Variants in NANOG observed in about 807,000 individuals in gnomAD.
NANOG encodes the protein Nanog homeobox.
A neutral mutation model predicts 17.7 loss-of-function variants in NANOG; 2 were observed. That is an observed-to-expected ratio of 0.11 (90% CI 0.05 to 0.36). The LOEUF is 0.36. NANOG is among the 10% of genes least tolerant of loss of function. The probability of loss-of-function intolerance (pLI) is 1.00; values close to 1 mark genes in which losing one functional copy is unlikely to be tolerated. For synonymous variants in NANOG, 81 were observed against 124.7 expected (o/e 0.65, Z 2.33); for missense variants, 174 against 362.1 (o/e 0.48, Z 4.22).
At chr12:7,792,741 A>G (rs1157836038) in intron 1 of NANOG, among the ~76,000 whole-genome samples, 1 of 152,152 alleles carries the variant, frequency 6.6e-6, no homozygotes, top group Non-Finnish European at 1.5e-5. Context: ...GCAGTCTATT[A>G]TGTACAAAAT....
At position 7,799,092 on chromosome 12, in the gene NANOG, T is replaced by C. The variant is rs1862964228; in HGVS notation, c.*3997T>C. 1 of 152,116 alleles carries C rather than the reference T, an allele frequency of 6.6e-6. No individual in the cohort carries two copies. Among genetic ancestry groups the C allele is most frequent in the Non-Finnish European group, 1.5e-5 (1 of 68,032 alleles). The allele number at this position is 152,116 out of a possible 1,614,324, so 9.4% of individuals were successfully genotyped here. A position where few individuals can be genotyped will look rare whatever the true frequency, so the allele number is the denominator to read the frequency against. On this transcript the variant is annotated 3_prime_UTR_variant, in exon 4 of 4. Coordinates refer to ENST00000229307, the MANE Select transcript of NANOG (RefSeq NM_024865.4). ...CTCTCCTTAAGCTATTCCTGGCTTC[T>C]GGGTAGTTGGTGTAAACTCTGTGGT...
Position 7,790,288 on chromosome 12 carries a change from A to G in NANOG, c.151+523A>G, listed in dbSNP as rs758190612. 9.9e-4 allele frequency among the ~76,000 whole-genome samples: 150 copies of G among 152,264 alleles called. 2 individuals carry two copies. The highest frequency in any genetic ancestry group is 3.6e-3 in the African/African-American group (148 of 41,560). Reference sequence around the variant, plus strand: ...TGTCAGTAACGGCTGTCTCTTCTCCATTCTCTGGGTTTGTGGATGTTACTG... The same window carrying G: ...TGTCAGTAACGGCTGTCTCTTCTCCGTTCTCTGGGTTTGTGGATGTTACTG... On this transcript the variant is annotated intron_variant, in intron 1 of 3. Transcript: ENST00000229307.
Position 7,795,584 on chromosome 12 carries a change from C to G in NANOG, c.*489C>G, listed in dbSNP as rs1466605494. The G allele has an allele frequency of 3.9e-5, 3 of 75,966 alleles. No homozygotes were observed. Among genetic ancestry groups the G allele is most frequent in the East Asian group, 2.4e-4 (1 of 4,246 alleles). 4.7% of individuals were successfully genotyped at this position (75,966 alleles called of 1,614,324 possible). A position where few individuals can be genotyped will look rare whatever the true frequency, so the allele number is the denominator to read the frequency against. ...GATCCACCCGCCTCGGCCTCCCTAACAGCTGGGATTTACAGGCGTGAGCCA... is the reference window on the plus strand; with the variant it reads ...GATCCACCCGCCTCGGCCTCCCTAAGAGCTGGGATTTACAGGCGTGAGCCA... On this transcript the variant is annotated 3_prime_UTR_variant, in exon 4 of 4. Transcript: ENST00000229307.
rs1347397246 is a variant in NANOG at position 7,796,299 on chromosome 12, ATAAATAAG to A, written c.*1212_*1219del. On this transcript the variant is annotated 3_prime_UTR_variant, in exon 4 of 4. Coordinates refer to ENST00000229307, the MANE Select transcript of NANOG (RefSeq NM_024865.4). ...AAACTCCCATCTCAAAAATAAATAA[ATAAATAAG>A]TAAATAAATGAATAATAAATAAATA... 1.8e-4 allele frequency: 28 copies of A among 151,980 alleles called. No homozygotes were observed. Among genetic ancestry groups the A allele is most frequent in the African/African-American group, 4.4e-4 (18 of 41,374 alleles). The allele number at this position is 151,980 out of a possible 1,614,324, so 9.4% of individuals were successfully genotyped here.
rs35671449 is a variant in NANOG at position 7,797,758 on chromosome 12, ATCC to A, written c.*2668_*2670del. 104,382 of 151,230 alleles carry A rather than the reference ATCC, an allele frequency of 0.69. 37,451 individuals are homozygous for A. The highest frequency in any genetic ancestry group is 0.8 in the Non-Finnish European group (53,809 of 67,654). The allele number at this position is 151,230 out of a possible 1,614,324, so 9.4% of individuals were successfully genotyped here. On this transcript the variant is annotated 3_prime_UTR_variant, in exon 4 of 4. Transcript: ENST00000229307. ...AGCCTCGACTTCCCGGATTCAAGCA[ATCC>A]TCCTGCCTGAGTCTCTCAAATAGCC...
In NANOG at chr12:7,795,762, T is replaced by G. The variant is rs1407551228; in HGVS notation, c.*667T>G. Reference sequence around the variant, plus strand: ...GTACAAATTGGTGATGAAGATGTATTCGTATTGTTTGGGATTGGGAGGCTT... The same window carrying G: ...GTACAAATTGGTGATGAAGATGTATGCGTATTGTTTGGGATTGGGAGGCTT... On this transcript the variant is annotated 3_prime_UTR_variant, in exon 4 of 4. Transcript: ENST00000229307. The G allele has an allele frequency of 2.1e-5, 3 of 144,968 alleles. No individual in the cohort carries two copies. Among genetic ancestry groups the G allele is most frequent in the African/African-American group, 7.5e-5 (3 of 39,912 alleles). 9.0% of individuals were successfully genotyped at this position (144,968 alleles called of 1,614,324 possible).
intron 1 of NANOG, among the ~76,000 whole-genome samples, chr12:7,792,495 T>A (rs1862854753): frequency 1.3e-5 from 2 of 151,992 alleles, no homozygotes; most frequent in Non-Finnish European, 2.9e-5. Context: ...AGAAACCCTG[T>A]CTCTACTAAA....
chr12:7,797,357 A>ATTT lies in NANOG; in HGVS notation c.*2277_*2279dup, dbSNP rs35626012. 0.62 allele frequency: 78,430 copies of ATTT among 126,388 alleles called. 27,772 individuals carry two copies. Among genetic ancestry groups the ATTT allele is most frequent in the Non-Finnish European group, 0.78 (49,260 of 63,004 alleles). 7.8% of individuals were successfully genotyped at this position (126,388 alleles called of 1,614,324 possible). On this transcript the variant is annotated 3_prime_UTR_variant, in exon 4 of 4. Coordinates refer to ENST00000229307, the MANE Select transcript of NANOG (RefSeq NM_024865.4). ...AGGTGTGAGCCACCGTGTCTGGGCA[A>ATTT]TTTTTTTTTTTTTTTTTGAGATGGA...
chr12:7,795,199 C>A lies in NANOG; in HGVS notation c.*104C>A, dbSNP rs1208770007. 2 of 1,306,360 alleles carry A rather than the reference C, an allele frequency of 1.5e-6. No homozygotes were observed. The highest frequency in any genetic ancestry group is 2.2e-6 in the Non-Finnish European group (2 of 919,320). The allele number at this position is 1,306,360 out of a possible 1,614,324, so 80.9% of individuals were successfully genotyped here. A position where few individuals can be genotyped will look rare whatever the true frequency, so the allele number is the denominator to read the frequency against. On this transcript the variant is annotated 3_prime_UTR_variant, in exon 4 of 4. Transcript: ENST00000229307. ...TAGGATTTTTCTTGTTTGGAAACCA[C>A]GTGTTCTGGTTTCCATGATGCCCAT...
intron 2 of NANOG, among the ~76,000 whole-genome samples, chr12:7,794,093 A>G (rs1457231133): frequency 6.6e-6 from 1 of 151,796 alleles, no homozygotes; most frequent in African/African-American, 2.4e-5. Context: ...TTTTTTTCTG[A>G]GACAGTCTGG....
At position 7,793,143 on chromosome 12, in the gene NANOG, G is replaced by T. The variant is rs1862866383; in HGVS notation, c.345G>T (p.Gln115His). 5 of 1,611,104 alleles carry T rather than the reference G, an allele frequency of 3.1e-6. No individual in the cohort carries two copies. The highest frequency in any genetic ancestry group is 4.2e-6 in the Non-Finnish European group (5 of 1,177,600). ...TQLCVLNDRF[Q>H]RQKYLSLQQM... is the part of the protein sequence containing the mutation. ...TGTGTGTACTCAATGATAGATTTCA[G>T]AGACAGAAATACCTCAGCCTCCAGC... Residue 115 changes from glutamine to histidine, a missense_variant, in exon 2 of 4, where the codon CAG (glutamine) becomes CAT (histidine). Around this residue, in one of 2 missense-constraint regions of NANOG, gnomAD observed 158 missense variants for 244.2 expected, o/e 0.65. Coordinates refer to ENST00000229307, the MANE Select transcript of NANOG (RefSeq NM_024865.4).
At chr12:7,789,822 A>T in intron 1 of NANOG, 57 bp downstream of exon 1, 2 of 1,555,846 alleles carry the variant, frequency 1.3e-6, no homozygotes, top group Non-Finnish European at 1.8e-6. Context: ...AGAGAGAAGG[A>T]GAGAGGGTTA....
rs1428871234 is a variant in NANOG at position 7,792,826 on chromosome 12, C to T, written c.152-124C>T. 7.3e-6 allele frequency: 7 copies of T among 965,106 alleles called. No individual in the cohort carries two copies. In the East Asian group the frequency reaches 1.8e-4, roughly 25 times the overall value. The allele number at this position is 965,106 out of a possible 1,614,324, so 59.8% of individuals were successfully genotyped here. On this transcript the variant is annotated intron_variant, in intron 1 of 3. Coordinates refer to ENST00000229307, the MANE Select transcript of NANOG (RefSeq NM_024865.4). ...AGTGCCAGGGCTGCTTAAGAAATTG[C>T]TTCTTATTACTTAGATCTGGGGTTC...
At position 7,797,655 on chromosome 12, in the gene NANOG, CCTT is replaced by C. The variant is rs1435490028; in HGVS notation, c.*2564_*2566del. The C allele has an allele frequency of 4.6e-5, 7 of 152,188 alleles. No homozygotes were observed. The highest frequency in any genetic ancestry group is 6.6e-5 in the Admixed American group (1 of 15,258). The allele number at this position is 152,188 out of a possible 1,614,324, so 9.4% of individuals were successfully genotyped here. Reference sequence around the variant, plus strand: ...TACAGGCATGAGCCACAGTGCCCAGCCTTCTTTTTTATTTTTTTAAGACGGGCT... The same window carrying C: ...TACAGGCATGAGCCACAGTGCCCAGCCTTTTTTATTTTTTTAAGACGGGCT... On this transcript the variant is annotated 3_prime_UTR_variant, in exon 4 of 4. Coordinates refer to ENST00000229307, the MANE Select transcript of NANOG (RefSeq NM_024865.4).
At chr12:7,792,726 C>T (rs1862858815) in intron 1 of NANOG, among the ~76,000 whole-genome samples, 1 of 152,008 alleles carries the variant, frequency 6.6e-6, no homozygotes, top group South Asian at 2.1e-4. Context: ...TAGATCTCTC[C>T]CAACGCAGTC....
At chr12:7,792,229 G>T (rs11055784) in intron 1 of NANOG, among the ~76,000 whole-genome samples, 75,171 of 152,010 alleles carry the variant, frequency 0.49, 20,126 homozygotes, top group Non-Finnish European at 0.59. Context: ...CAGAATCATG[G>T]CATTTAAGCA....
intron 2 of NANOG, 146 bp downstream of exon 2, chr12:7,793,358 TA>T (rs1862870433): frequency 1.4e-6 from 1 of 719,134 alleles, no homozygotes. Context: ...AATGCTTTTG[TA>T]ACTTCCTTCA....
chr12:7,790,503 G>C (rs1438686671), intron 1 of NANOG, among the ~76,000 whole-genome samples: 1 of 152,090 alleles, frequency 6.6e-6, no homozygotes, highest in African/African-American at 2.4e-5. Flanking sequence ...TAGCTGCAAG[G>C]GGTGGGGGAT....
At chr12:7,789,891 A>T in intron 1 of NANOG, 126 bp downstream of exon 1, 1 of 1,014,112 alleles carries the variant, frequency 9.9e-7, no homozygotes, top group South Asian at 1.5e-5. Context: ...TGTTATTATC[A>T]ACTAATCCTC....
Sources: allele counts gnomAD v4.1 joint callset (sites outside exome capture counted in the v4.1 genomes callset), GRCh38; gene constraint gnomAD v4.1.1; regional missense constraint gnomAD v4.1.1; transcripts MANE v1.5; gene names NCBI Gene and HGNC (gene_info 2026-07-23, HGNC 2026-07-21).